The following ITK variants were observed in gnomAD, a reference collection of about 807,000 sequenced individuals.
ITK encodes the protein IL2 inducible T cell kinase.
Under a neutral mutation model 87.6 loss-of-function variants are expected in ITK, and 45 were observed. The observed-to-expected ratio is 0.51, with a 90% confidence interval of 0.40 to 0.66. ITK has a LOEUF of 0.66. Ranked by LOEUF, ITK falls within the 30% of genes least tolerant of loss-of-function variation. The probability of loss-of-function intolerance (pLI) is 0.00; values close to 1 mark genes in which losing one functional copy is unlikely to be tolerated. For synonymous variants in ITK, 303 were observed against 273.6 expected, an observed-to-expected ratio of 1.11 and a Z score of -1.06; for missense variants, 605 against 766.3, an observed-to-expected ratio of 0.79 and a Z score of 2.48.
intron 8 of ITK, 118 bp from the exon 9 acceptor site, chr5:157,237,991 T>C: frequency 2.7e-6 from 2 of 745,016 alleles, no homozygotes; most frequent in Non-Finnish European, 4.9e-6. Context: ...TACTGAAATC[T>C]GCTCTATGCC....
chr5:157,211,316 G>A lies in ITK; in HGVS notation c.273G>A (p.Val91=), dbSNP rs773814778. ...QVVHDNYLLY[V]FAPDRESRQR... ...TGCATGACAACTACCTCCTATATGTGTTTGCTCCAGATCGTGAGAGCCGGC... is the reference window on the plus strand; with the variant it reads ...TGCATGACAACTACCTCCTATATGTATTTGCTCCAGATCGTGAGAGCCGGC... The change falls in exon 3 of 17, where the codon GTG becomes GTA. Residue 91 remains valine, a synonymous_variant. Coordinates refer to ENST00000422843, the MANE Select transcript of ITK (RefSeq NM_005546.4). 3 of 1,614,038 alleles carry A rather than the reference G, an allele frequency of 1.9e-6. No homozygotes were observed. The highest frequency in any genetic ancestry group is 2.5e-6 in the Non-Finnish European group (3 of 1,179,936).
At chr5:157,187,866 C>T (rs939000424) in intron 1 of ITK, among the ~76,000 whole-genome samples, 21 of 151,966 alleles carry the variant, frequency 1.4e-4, no homozygotes, top group African/African-American at 5.1e-4. Flanking sequence ...GTGGTGGGAT[C>T]ACAGCTCACT....
At chr5:157,215,876 TC>T in intron 4 of ITK, among the ~76,000 whole-genome samples, 1 of 152,326 alleles carries the variant, frequency 6.6e-6, no homozygotes, top group East Asian at 1.9e-4. Context: ...CTATTCCTCT[TC>T]GGGGCGCAAG....
At chr5:157,252,531 A>G in intron 16 of ITK, 76 bp from the exon 17 acceptor site, 1 of 1,056,964 alleles carries the variant, frequency 9.5e-7, no homozygotes, top group Non-Finnish European at 1.5e-6. Flanking sequence ...TGCTGCTATT[A>G]AATTCTGGTT....
chr5:157,224,685 G>A (rs1443134684), intron 6 of ITK, among the ~76,000 whole-genome samples: 1 of 152,142 alleles, frequency 6.6e-6, no homozygotes, highest in Non-Finnish European at 1.5e-5. Context: ...GGAGGCTGGG[G>A]CAGGAGAATC....
intron 11 of ITK, 48 bp downstream of exon 11, chr5:157,241,768 G>A (rs750998496): frequency 1.4e-6 from 2 of 1,420,060 alleles, no homozygotes; most frequent in Non-Finnish European, 2.0e-6. Context: ...AAAGGTCTGG[G>A]GCAAATTCTG....
chr5:157,230,384 C>G (rs965223929), intron 7 of ITK, among the ~76,000 whole-genome samples: 41 of 152,092 alleles, frequency 2.7e-4, no homozygotes, highest in African/African-American at 9.4e-4. Flanking sequence ...GATACCAGGC[C>G]TAAAGAATAA....
intron 4 of ITK, among the ~76,000 whole-genome samples, chr5:157,215,175 G>A (rs1754274613): frequency 6.6e-6 from 1 of 152,192 alleles, no homozygotes. Context: ...TCACACCGCT[G>A]GAAGTGCTCT....
At chr5:157,187,643 G>A (rs1348169657) in intron 1 of ITK, among the ~76,000 whole-genome samples, 2 of 152,162 alleles carry the variant, frequency 1.3e-5, no homozygotes. Flanking sequence ...GGAATTTTAA[G>A]TGCTGGGTCA....
intron 1 of ITK, among the ~76,000 whole-genome samples, chr5:157,197,659 TCTTTAACACTTGGTATATA>T (rs1753879045): frequency 2.0e-5 from 3 of 152,198 alleles, no homozygotes; most frequent in Non-Finnish European, 4.4e-5. Flanking sequence ...TTAAATCTGC[TCTTTAACACTTGGTATATA>T]CTTTTGTCCC....
rs149416977 is a variant in ITK at position 157,197,901 on chromosome 5, A to G, written c.139-10988A>G. ...TTACATCTTTATATATTTTGAACAA[A>G]TGTTTCCATAGAATAAATCAGATCA... On this transcript the variant is annotated intron_variant, in intron 1 of 16. Transcript: ENST00000422843. Among the ~76,000 whole-genome samples the G allele has an allele frequency of 6.8e-3, 1,032 of 152,290 alleles. 13 individuals are homozygous for G. The highest frequency in any genetic ancestry group is 0.023 in the African/African-American group (953 of 41,566).
intron 1 of ITK, among the ~76,000 whole-genome samples, chr5:157,186,372 A>G (rs560755703): frequency 6.6e-6 from 1 of 152,108 alleles, no homozygotes; most frequent in Admixed American, 6.5e-5. Context: ...GTCTTAAAAA[A>G]AAAAAAAAAG....
At chr5:157,204,553 G>T (rs1754042058) in intron 1 of ITK, among the ~76,000 whole-genome samples, 1 of 152,106 alleles carries the variant, frequency 6.6e-6, no homozygotes. Flanking sequence ...CAAAAAATTA[G>T]CTGGGCGTGG....
At chr5:157,188,718 A>T (rs1033171325) in intron 1 of ITK, among the ~76,000 whole-genome samples, 6 of 151,870 alleles carry the variant, frequency 4.0e-5, no homozygotes, top group Non-Finnish European at 1.5e-5. Context: ...TGCCTTTCAG[A>T]CTCAAGCGAT....
intron 1 of ITK, among the ~76,000 whole-genome samples, chr5:157,181,616 G>C (rs1255721459): frequency 6.6e-6 from 1 of 152,184 alleles, no homozygotes; most frequent in African/African-American, 2.4e-5. Flanking sequence ...GAATAACTCT[G>C]TTTGTCTCAA....
intron 6 of ITK, among the ~76,000 whole-genome samples, chr5:157,226,742 T>TA (rs1234045868): frequency 6.6e-6 from 1 of 152,218 alleles, no homozygotes; most frequent in Non-Finnish European, 1.5e-5. Flanking sequence ...ATAAGAAAAT[T>TA]AAAACATGTT....
rs1160395844 is a variant in ITK, at chr5:157,253,008, G to T, written c.*330G>T. The T allele has an allele frequency of 2.3e-6, 1 of 428,306 alleles. No individual in the cohort carries two copies. Among genetic ancestry groups the T allele is most frequent in the African/African-American group, 2.0e-5 (1 of 51,178 alleles). The allele number at this position is 428,306 out of a possible 1,614,324, so 26.5% of individuals were successfully genotyped here. A position where few individuals can be genotyped will look rare whatever the true frequency, so the allele number is the denominator to read the frequency against. On this transcript the variant is annotated 3_prime_UTR_variant, in exon 17 of 17. Coordinates refer to ENST00000422843, the MANE Select transcript of ITK (RefSeq NM_005546.4). ...CTTGCACTTCTTAGCAACAGAGAGA[G>T]ACATGAGTAAGACCCAGATTGCTAT...
intron 1 of ITK, among the ~76,000 whole-genome samples, chr5:157,190,576 G>A (rs163315): frequency 6.6e-6 from 1 of 152,058 alleles, no homozygotes; most frequent in Non-Finnish European, 1.5e-5. Context: ...GGGACAGACA[G>A]CAAGCAAGTG....
At chr5:157,197,221 G>C (rs976533035) in intron 1 of ITK, among the ~76,000 whole-genome samples, 1 of 152,194 alleles carries the variant, frequency 6.6e-6, no homozygotes, top group Non-Finnish European at 1.5e-5. Context: ...GAGAGAGACT[G>C]TCATGTACTT....
Sources: allele counts gnomAD v4.1 joint callset (sites outside exome capture counted in the v4.1 genomes callset), GRCh38; gene constraint gnomAD v4.1.1; transcripts MANE v1.5; gene names NCBI Gene and HGNC (gene_info 2026-07-23, HGNC 2026-07-21).